LRMDA: variants seen among roughly 807,000 people sequenced by gnomAD.
LRMDA encodes leucine-rich melanocyte differentiation-associated protein.
In LRMDA, 18 loss-of-function variants were observed where a neutral mutation model predicts 29.8. The observed-to-expected ratio is 0.60, with a 90% CI of 0.42 to 0.90. LRMDA has a LOEUF of 0.90. LRMDA is among the 40% of genes least tolerant of loss of function. The pLI is 0.00. For synonymous variants in LRMDA, 125 were observed against 109.4 expected, an observed-to-expected ratio of 1.14 and a Z score of -0.89; for missense variants, 273 against 273.9, an observed-to-expected ratio of 1.00 and a Z score of 0.02.
At chr10:76,265,596 A>G (rs1839996494) in intron 5 of LRMDA, among the ~76,000 whole-genome samples, 1 of 152,164 alleles carries the variant, frequency 6.6e-6, no homozygotes, top group South Asian at 2.1e-4. Flanking sequence ...GAGGCTTGGT[A>G]TGGAGCCCAG....
At chr10:75,765,729 G>A (rs1326230189) in intron 2 of LRMDA, among the ~76,000 whole-genome samples, 1 of 151,948 alleles carries the variant, frequency 6.6e-6, no homozygotes, top group Admixed American at 6.5e-5. Context: ...ACCCAGAGAA[G>A]CTCACGTGCA....
chr10:76,406,376 A>G lies in LRMDA; in HGVS notation c.601+81891A>G, dbSNP rs570582118. ...ATCCTAAAAGGGCTTCTGATGAACT[A>G]TCGTATTTTCTTATACTCTAAATAC... is the stretch of plus-strand genomic sequence containing the variant. On this transcript the variant is annotated intron_variant, in intron 6 of 6. Transcript: ENST00000611255. 1.1e-4 allele frequency among the ~76,000 whole-genome samples: 17 copies of G among 152,342 alleles called. No homozygotes were observed. The South Asian group carries it at 2.1e-3, about 19-fold the overall frequency.
rs547840234 is a variant in LRMDA, at chr10:75,627,807, G to A, written c.131+189313G>A. ...AACACTAAATTGGGAGATTTCAGATGTATTCAAGACCCAGAAAAGATATGT... is the reference window on the plus strand; with the variant it reads ...AACACTAAATTGGGAGATTTCAGATATATTCAAGACCCAGAAAAGATATGT... On this transcript the variant is annotated intron_variant, in intron 2 of 6. Coordinates refer to ENST00000611255, the MANE Select transcript of LRMDA (RefSeq NM_001305581.2). Among the ~76,000 whole-genome samples, 3 of 152,324 alleles carry A rather than the reference G, an allele frequency of 2.0e-5. No homozygotes were observed. The East Asian group carries it at 5.8e-4, about 29-fold the overall frequency.
At chr10:76,314,182 G>T (rs952626389) in intron 5 of LRMDA, among the ~76,000 whole-genome samples, 7 of 152,190 alleles carry the variant, frequency 4.6e-5, no homozygotes, top group Admixed American at 4.6e-4. Flanking sequence ...AGCCAAAGAG[G>T]TATGGAGCAC....
intron 2 of LRMDA, among the ~76,000 whole-genome samples, chr10:75,547,577 A>G (rs774207278): frequency 5.3e-5 from 8 of 152,218 alleles, no homozygotes; most frequent in Non-Finnish European, 1.0e-4. Context: ...AGAATGTCAC[A>G]TGGCATTTCC....
chr10:76,268,093 A>G (rs1840027177), intron 5 of LRMDA, among the ~76,000 whole-genome samples: 1 of 152,194 alleles, frequency 6.6e-6, no homozygotes, highest in Admixed American at 6.5e-5. Context: ...GTCAGAACAT[A>G]CTAGAGTGCC....
chr10:76,286,719 A>G (rs1436268524), intron 5 of LRMDA, among the ~76,000 whole-genome samples: 3 of 152,224 alleles, frequency 2.0e-5, no homozygotes, highest in Non-Finnish European at 4.4e-5. Flanking sequence ...TTGTCAAGGC[A>G]GATGTTGGAT....
chr10:76,135,763 TTTTC>T (rs1213886552), intron 5 of LRMDA, among the ~76,000 whole-genome samples: 2 of 149,404 alleles, frequency 1.3e-5, no homozygotes, highest in African/African-American at 2.4e-5. Flanking sequence ...TGTGTTCAAA[TTTTC>T]TTTCTTTTTT....
At chr10:75,454,357 A>G (rs189974746) in intron 2 of LRMDA, among the ~76,000 whole-genome samples, 9 of 152,288 alleles carry the variant, frequency 5.9e-5, no homozygotes, top group Admixed American at 1.3e-4. Context: ...ACTTTGGGGT[A>G]GTAAAACGGG....
intron 5 of LRMDA, among the ~76,000 whole-genome samples, chr10:76,179,768 G>C (rs548229206): frequency 8.9e-4 from 135 of 152,274 alleles, no homozygotes; most frequent in African/African-American, 3.1e-3. Context: ...GCCTGAAAGA[G>C]TAGTGAGTCC....
chr10:76,501,840 T>C (rs1214895315), intron 6 of LRMDA, among the ~76,000 whole-genome samples: 1 of 152,048 alleles, frequency 6.6e-6, no homozygotes, highest in African/African-American at 2.4e-5. Flanking sequence ...TTTCTTTTGT[T>C]GTACAGAAGT....
At chr10:76,526,144 G>A (rs570175014) in intron 6 of LRMDA, among the ~76,000 whole-genome samples, 13 of 152,234 alleles carry the variant, frequency 8.5e-5, no homozygotes, top group African/African-American at 2.9e-4. Context: ...CTGTGGTCTA[G>A]GGAAATACAA....
intron 5 of LRMDA, among the ~76,000 whole-genome samples, chr10:76,071,784 C>T (rs1429057535): frequency 6.6e-6 from 1 of 152,140 alleles, no homozygotes; most frequent in Non-Finnish European, 1.5e-5. Context: ...GGTTAAACTG[C>T]CAGATTTACA....
At position 75,756,776 on chromosome 10, in the gene LRMDA, C is replaced by G. The variant is rs554639522; in HGVS notation, c.132-279232C>G. 1.8e-4 allele frequency among the ~76,000 whole-genome samples: 28 copies of G among 152,214 alleles called. No individual in the cohort carries two copies. In the South Asian group the frequency reaches 5.8e-3, roughly 32 times the overall value. ...GGCACAGAAATGTTCAGTAATTTGC[C>G]CAAGGTGGCATAGCTAGTAAACTGG... On this transcript the variant is annotated intron_variant, in intron 2 of 6. Coordinates refer to ENST00000611255, the MANE Select transcript of LRMDA (RefSeq NM_001305581.2).
chr10:76,046,039 C>T (rs745408503), intron 3 of LRMDA, among the ~76,000 whole-genome samples: 10 of 152,186 alleles, frequency 6.6e-5, no homozygotes, highest in South Asian at 2.1e-4. Context: ...GAGTCTTTCA[C>T]GCTTGCATAT....
rs910404129 is a variant in LRMDA, at chr10:75,748,201, T to C, written c.132-287807T>C. On this transcript the variant is annotated intron_variant, in intron 2 of 6. Coordinates refer to ENST00000611255, the MANE Select transcript of LRMDA (RefSeq NM_001305581.2). ...CTCTGCCTCCCAGGTTCAAGTGATT[T>C]TCCTGCCTCAGCCTCCCGAGCAGCT... 1.8e-4 allele frequency among the ~76,000 whole-genome samples: 28 copies of C among 152,192 alleles called. No individual in the cohort carries two copies. In the East Asian group the frequency reaches 4.8e-3, roughly 26 times the overall value.
chr10:76,149,820 T>C (rs1850403893), intron 5 of LRMDA, among the ~76,000 whole-genome samples: 2 of 152,138 alleles, frequency 1.3e-5, no homozygotes, highest in Admixed American at 6.5e-5. Context: ...GCCTTTAAGC[T>C]CATTATCACC....
At chr10:75,611,694 G>A (rs1172444269) in intron 2 of LRMDA, among the ~76,000 whole-genome samples, 1 of 152,190 alleles carries the variant, frequency 6.6e-6, no homozygotes, top group African/African-American at 2.4e-5. Context: ...AGCCCATACA[G>A]TGCTTCTGGG....
At chr10:76,527,315 T>C (rs970870975) in intron 6 of LRMDA, among the ~76,000 whole-genome samples, 1 of 152,188 alleles carries the variant, frequency 6.6e-6, no homozygotes, top group African/African-American at 2.4e-5. Context: ...TTGTGTATTC[T>C]GTACAGAGTG....
Sources: allele counts gnomAD v4.1 joint callset (sites outside exome capture counted in the v4.1 genomes callset), GRCh38; gene constraint gnomAD v4.1.1; transcripts MANE v1.5; gene names NCBI Gene and HGNC (gene_info 2026-07-23, HGNC 2026-07-21).